Variants in PDE2A observed in about 807,000 individuals in gnomAD.
The protein encoded by PDE2A is cGMP-dependent 3',5'-cyclic phosphodiesterase.
Under a neutral mutation model 133.6 loss-of-function variants are expected in PDE2A, and 53 were observed. The ratio of observed to expected loss-of-function variants is 0.40; its 90% CI spans 0.32 to 0.50. The LOEUF is 0.50. Among genes scored for constraint, PDE2A ranks in the 20% least tolerant of loss-of-function variants. PDE2A has a pLI of 0.73. For missense variants in PDE2A, 796 were observed against 1,232.4 expected, an observed-to-expected ratio of 0.65 and a Z score of 5.30; for synonymous variants, 491 against 490.2, an observed-to-expected ratio of 1.00 and a Z score of -0.02.
chr11:72,652,309 A>G (rs543189830), intron 1 of PDE2A, among the ~76,000 whole-genome samples: 1 of 152,116 alleles, frequency 6.6e-6, no homozygotes, highest in African/African-American at 2.4e-5. Flanking sequence ...ATGGGGTCTC[A>G]CTATGTTGCC....
At chr11:72,617,113 G>C (rs1857512797) in intron 2 of PDE2A, among the ~76,000 whole-genome samples, 1 of 152,236 alleles carries the variant, frequency 6.6e-6, no homozygotes, top group African/African-American at 2.4e-5. Context: ...TCTAATACCT[G>C]CCTTGGCCAG....
chr11:72,612,275 C>CCACA (rs55775130), intron 2 of PDE2A, among the ~76,000 whole-genome samples: 1,809 of 124,210 alleles, frequency 0.015, 15 homozygotes, highest in South Asian at 0.015. Context: ...CACATCACAT[C>CCACA]CACACACACA....
Position 72,674,342 on chromosome 11 carries a change from A to G in PDE2A, c.-135T>C. 2.6e-6 allele frequency: 2 copies of G among 776,766 alleles called. No individual in the cohort carries two copies. Among genetic ancestry groups the G allele is most frequent in the Non-Finnish European group, 4.1e-6 (2 of 488,606 alleles). 48.1% of individuals were successfully genotyped at this position (776,766 alleles called of 1,614,324 possible). A position where few individuals can be genotyped will look rare whatever the true frequency, so the allele number is the denominator to read the frequency against. On this transcript the variant is annotated 5_prime_UTR_variant, in exon 1 of 31. Coordinates refer to ENST00000334456, the MANE Select transcript of PDE2A (RefSeq NM_002599.5). ...GTGGGCTGCCCCCTACTCAGCCTGGACTCAACACCCCAATCCAGCTCTGCT... is the reference window on the plus strand; with the variant it reads ...GTGGGCTGCCCCCTACTCAGCCTGGGCTCAACACCCCAATCCAGCTCTGCT...
At chr11:72,663,985 C>T (rs1855153762) in intron 1 of PDE2A, among the ~76,000 whole-genome samples, 1 of 152,230 alleles carries the variant, frequency 6.6e-6, no homozygotes, top group Non-Finnish European at 1.5e-5. Context: ...CCCTTGCCCC[C>T]TGGCATCCAG....
chr11:72,642,882 C>G (rs1859021146), intron 1 of PDE2A: 1 of 154,512 alleles, frequency 6.5e-6, no homozygotes, highest in African/African-American at 2.4e-5. Flanking sequence ...TTGCTCCTCT[C>G]CCTCAGCCTA....
chr11:72,662,165 G>A (rs1019779055), intron 1 of PDE2A, among the ~76,000 whole-genome samples: 4 of 152,194 alleles, frequency 2.6e-5, no homozygotes, highest in East Asian at 1.9e-4. Context: ...GGGAGGTGCC[G>A]GAGCTGGGAT....
At chr11:72,629,916 C>T (rs1194472573) in intron 2 of PDE2A, among the ~76,000 whole-genome samples, 1 of 152,134 alleles carries the variant, frequency 6.6e-6, no homozygotes, top group Non-Finnish European at 1.5e-5. Flanking sequence ...CACAGGAGGG[C>T]TGATACAAGC....
intron 1 of PDE2A, among the ~76,000 whole-genome samples, chr11:72,642,812 T>G (rs1394515559): frequency 4.1e-4 from 41 of 99,862 alleles, no homozygotes; most frequent in South Asian, 1.3e-3. Context: ...CGCAGTGGGG[T>G]GGGGTGGGGA....
rs147522912 is a variant in PDE2A, at chr11:72,640,645, G to A, written c.144+1609C>T. Reference sequence around the variant, plus strand: ...AGGCTGCAAACACATTGGCACACACGGCACCCCCTGCCCCAACTCCTCTCT... The same window carrying A: ...AGGCTGCAAACACATTGGCACACACAGCACCCCCTGCCCCAACTCCTCTCT... On this transcript the variant is annotated intron_variant, in intron 2 of 30. Transcript: ENST00000334456. Among the ~76,000 whole-genome samples, 268 of 152,182 alleles carry A rather than the reference G, an allele frequency of 1.8e-3. 2 individuals carry two copies. Among genetic ancestry groups the A allele is most frequent in the African/African-American group, 6.3e-3 (260 of 41,504 alleles).
At chr11:72,666,458 C>T (rs1298476695) in intron 1 of PDE2A, among the ~76,000 whole-genome samples, 3 of 152,086 alleles carry the variant, frequency 2.0e-5, no homozygotes, top group African/African-American at 7.2e-5. Flanking sequence ...TAGACTAGGA[C>T]CCTGGCTGGC....
chr11:72,659,702 T>C (rs993492076), intron 1 of PDE2A, among the ~76,000 whole-genome samples: 6 of 152,122 alleles, frequency 3.9e-5, no homozygotes, highest in African/African-American at 1.4e-4. Flanking sequence ...GAGTGGACCA[T>C]CTTGGCCAGC....
Position 72,671,627 on chromosome 11 carries a change from G to A in PDE2A, c.71+2510C>T, listed in dbSNP as rs1192764856. On this transcript the variant is annotated intron_variant, in intron 1 of 30. Coordinates refer to ENST00000334456, the MANE Select transcript of PDE2A (RefSeq NM_002599.5). ...GGCAGGGGGAATGACTGCGGGGGGT[G>A]GGGGTGCAGGGAGCATAAAGACAAT... Among the ~76,000 whole-genome samples, 78 of 152,254 alleles carry A rather than the reference G, an allele frequency of 5.1e-4. 2 individuals are homozygous for A. Among genetic ancestry groups the A allele is most frequent in the Non-Finnish European group, 5.9e-5 (4 of 67,992 alleles).
In PDE2A at chr11:72,581,346, C is replaced by A; in HGVS notation, c.2045+11G>T. Reference sequence around the variant, plus strand: ...GTGGCTGCCAGATGTGGGGGAGATGCAGCCACTCACTCGAGGTAGTTGGTG... The same window carrying A: ...GTGGCTGCCAGATGTGGGGGAGATGAAGCCACTCACTCGAGGTAGTTGGTG... On this transcript the variant is annotated intron_variant, in intron 23 of 30. Transcript: ENST00000334456. The A allele has an allele frequency of 1.2e-6, 2 of 1,612,532 alleles. No homozygotes were observed.
intron 2 of PDE2A, among the ~76,000 whole-genome samples, chr11:72,626,803 CA>C (rs1858101386): frequency 6.6e-6 from 1 of 152,230 alleles, no homozygotes; most frequent in Non-Finnish European, 1.5e-5. Context: ...CTGACTCTGG[CA>C]CCAAGCCTTC....
At chr11:72,643,844 C>G (rs1293088926) in intron 1 of PDE2A, among the ~76,000 whole-genome samples, 1 of 152,200 alleles carries the variant, frequency 6.6e-6, no homozygotes, top group African/African-American at 2.4e-5. Context: ...GCGTTTCTCC[C>G]ACCTTTCTTT....
At position 72,580,612 on chromosome 11, in the gene PDE2A, C is replaced by G; in HGVS notation, c.2146G>C (p.Ala716Pro). ...SFQVASKSVL[A>P]ALYSSEGSVM... ...GAGCCCTCAGAGCTGTAGAGCGCAG[C>G]CAGCACAGATTTCTGGAAAAGCCCA... Residue 716 changes from alanine to proline, a missense_variant, in exon 25 of 31, where the codon GCT (alanine) becomes CCT (proline). This residue lies in a region of PDE2A where 218 missense variants were observed against 465.9 expected (regional missense o/e 0.47). Transcript: ENST00000334456. 1 of 1,566,792 alleles carries G rather than the reference C, an allele frequency of 6.4e-7. No individual in the cohort carries two copies. Among genetic ancestry groups the G allele is most frequent in the Non-Finnish European group, 8.7e-7 (1 of 1,154,430 alleles).
Position 72,588,932 on chromosome 11 carries a change from G to A in PDE2A, c.940-18C>T, listed in dbSNP as rs1170513859. ...ACATCCTCCTGCAAAGGCGAGGCAA[G>A]TCAGGGCAGGGAAGCAGGGCGCAGT... On this transcript the variant is annotated intron_variant, in intron 12 of 30. Coordinates refer to ENST00000334456, the MANE Select transcript of PDE2A (RefSeq NM_002599.5). 2 of 1,592,436 alleles carry A rather than the reference G, an allele frequency of 1.3e-6. No homozygotes were observed. The highest frequency in any genetic ancestry group is 2.3e-5 in the East Asian group (1 of 44,414).
intron 4 of PDE2A, among the ~76,000 whole-genome samples, chr11:72,599,315 G>A (rs1406817548): frequency 6.6e-6 from 1 of 151,882 alleles, no homozygotes; most frequent in African/African-American, 2.4e-5. Context: ...CCTCACTCAT[G>A]AGCTCCAGAC....
chr11:72,592,435 G>C (rs1693706765), intron 6 of PDE2A, among the ~76,000 whole-genome samples: 1 of 152,230 alleles, frequency 6.6e-6, no homozygotes, highest in Non-Finnish European at 1.5e-5. Flanking sequence ...CAGTCTGTCT[G>C]GGGTGGGACG....
Sources: allele counts gnomAD v4.1 joint callset (sites outside exome capture counted in the v4.1 genomes callset), GRCh38; gene constraint gnomAD v4.1.1; regional missense constraint gnomAD v4.1.1; transcripts MANE v1.5; gene names NCBI Gene and HGNC (gene_info 2026-07-23, HGNC 2026-07-21).